Variants in IQCM observed in about 807,000 individuals in gnomAD.
IQCM encodes IQ motif containing M, also known as IQ domain-containing protein M.
IQCM carries 45 observed loss-of-function variants against 57.6 expected under a neutral mutation model. The ratio of observed to expected loss-of-function variants is 0.78; its 90% confidence interval spans 0.62 to 1.00. IQCM has a LOEUF of 1.00. IQCM is among the 50% of genes least tolerant of loss of function. The pLI, the probability that IQCM is intolerant of heterozygous loss-of-function variation, is 0.00. For synonymous variants in IQCM, 148 were observed against 158.9 expected, an observed-to-expected ratio of 0.93 and a Z score of 0.51; for missense variants, 468 against 511.6, an observed-to-expected ratio of 0.91 and a Z score of 0.82.
chr4:149,423,877 T>C (rs185390753), intron 13 of IQCM, among the ~76,000 whole-genome samples: 1 of 152,070 alleles, frequency 6.6e-6, no homozygotes, highest in Admixed American at 6.6e-5. Flanking sequence ...ATATTTTATT[T>C]ATTAAATAAA....
Position 149,696,204 on chromosome 4 carries a change from T to C in IQCM, c.386-9736A>G, listed in dbSNP as rs1021489457. 1.3e-4 allele frequency among the ~76,000 whole-genome samples: 20 copies of C among 152,288 alleles called. No homozygotes were observed. In the Middle Eastern group the frequency reaches 0.01, roughly 78 times the overall value. On this transcript the variant is annotated intron_variant, in intron 5 of 13. Transcript: ENST00000636793. The stretch of plus-strand genomic sequence containing the variant: ...GAAACTGCTCTCATCAAAGATACAA[T>C]GACTTCCATGGTAGCACACCCAATG...
At chr4:149,391,189 T>C (rs191949649) in intron 13 of IQCM, among the ~76,000 whole-genome samples, 462 of 152,060 alleles carry the variant, frequency 3.0e-3, no homozygotes, top group Non-Finnish European at 4.9e-3. Context: ...TTTAGGGCTA[T>C]TCAGATTTTA....
At chr4:149,588,969 A>G (rs1004756452) in intron 8 of IQCM, among the ~76,000 whole-genome samples, 1 of 151,852 alleles carries the variant, frequency 6.6e-6, no homozygotes, top group East Asian at 1.9e-4. Context: ...CAATTTATGG[A>G]TTTTTCTTAT....
rs574060556 is a variant in IQCM at position 149,775,116 on chromosome 4, G to A, written c.-48-32377C>T. ...CTTTGCATTATTCCTCCTTTCTTAT[G>A]AACATTTAAAAACTAAACTACTTTC... On this transcript the variant is annotated intron_variant, in intron 2 of 13. Transcript: ENST00000636793. Among the ~76,000 whole-genome samples, 3 of 147,918 alleles carry A rather than the reference G, an allele frequency of 2.0e-5. No homozygotes were observed. In the East Asian group the frequency reaches 6.0e-4, roughly 30 times the overall value.
At chr4:149,553,434 T>C (rs570383097) in intron 10 of IQCM, 147 bp from the exon 11 acceptor site, 9 of 491,756 alleles carry the variant, frequency 1.8e-5, no homozygotes, top group African/African-American at 1.8e-4. Context: ...ATACGCATTG[T>C]AGAGTAATAT....
chr4:149,740,194 A>C (rs2149904539), intron 3 of IQCM, among the ~76,000 whole-genome samples: 1 of 152,328 alleles, frequency 6.6e-6, no homozygotes, highest in East Asian at 1.9e-4. Context: ...AATCTTAAGC[A>C]AAGATGTGTG....
At chr4:149,435,034 G>A (rs1207770785) in intron 12 of IQCM, among the ~76,000 whole-genome samples, 2 of 152,108 alleles carry the variant, frequency 1.3e-5, no homozygotes, top group African/African-American at 4.8e-5. Context: ...CCCCATGGGT[G>A]GACTTTGTAA....
chr4:149,439,957 A>G (rs1005250467), intron 12 of IQCM, among the ~76,000 whole-genome samples: 3 of 141,972 alleles, frequency 2.1e-5, no homozygotes, highest in Non-Finnish European at 4.7e-5. Flanking sequence ...AAGTGTTGCT[A>G]TTCTTTTTTT....
At chr4:149,418,168 GGT>G (rs979194347) in intron 13 of IQCM, among the ~76,000 whole-genome samples, 3 of 110,630 alleles carry the variant, frequency 2.7e-5, no homozygotes, top group African/African-American at 1.1e-4. Flanking sequence ...TCCAGGTTAT[GGT>G]TTTTTTTTTA....
At chr4:149,484,827 C>A (rs999104157) in intron 12 of IQCM, among the ~76,000 whole-genome samples, 1 of 151,986 alleles carries the variant, frequency 6.6e-6, no homozygotes, top group Non-Finnish European at 1.5e-5. Flanking sequence ...CTTTAACATC[C>A]TTTTCTTTAG....
intron 2 of IQCM, among the ~76,000 whole-genome samples, chr4:149,753,395 A>C (rs996703453): frequency 6.6e-5 from 10 of 152,188 alleles, no homozygotes; most frequent in Non-Finnish European, 1.2e-4. Context: ...AATAGAACAA[A>C]TTGGAATCCT....
At chr4:149,408,251 T>A (rs1733121559) in intron 13 of IQCM, among the ~76,000 whole-genome samples, 1 of 152,064 alleles carries the variant, frequency 6.6e-6, no homozygotes, top group Non-Finnish European at 1.5e-5. Flanking sequence ...ACATATGGAG[T>A]AATAAAGAAA....
chr4:149,381,547 G>T (rs1182696813), intron 13 of IQCM, among the ~76,000 whole-genome samples: 1 of 151,958 alleles, frequency 6.6e-6, no homozygotes, highest in Non-Finnish European at 1.5e-5. Flanking sequence ...TGCCTTTGCT[G>T]TTCACTCCAC....
At chr4:149,353,055 C>G (rs1728686416) in intron 13 of IQCM, among the ~76,000 whole-genome samples, 1 of 152,088 alleles carries the variant, frequency 6.6e-6, no homozygotes, top group Non-Finnish European at 1.5e-5. Context: ...GTTAATGTAT[C>G]TCCATATTGT....
chr4:149,373,925 C>G (rs1309111312), intron 13 of IQCM, among the ~76,000 whole-genome samples: 1 of 152,170 alleles, frequency 6.6e-6, no homozygotes, highest in Non-Finnish European at 1.5e-5. Context: ...GAAACCTTTT[C>G]TCTGCCCTCA....
chr4:149,401,820 T>C (rs1041327258), intron 13 of IQCM, among the ~76,000 whole-genome samples: 3 of 151,800 alleles, frequency 2.0e-5, no homozygotes, highest in African/African-American at 7.2e-5. Context: ...TCCCAACAAA[T>C]ACTCCATGAA....
chr4:149,705,374 G>A (rs933773046), intron 5 of IQCM, among the ~76,000 whole-genome samples: 1 of 150,770 alleles, frequency 6.6e-6, no homozygotes, highest in East Asian at 2.0e-4. Flanking sequence ...GTACAAAAAC[G>A]GAACTTTAAT....
chr4:149,804,812 T>G (rs1412943565), intron 2 of IQCM, among the ~76,000 whole-genome samples: 2 of 152,060 alleles, frequency 1.3e-5, no homozygotes, highest in Non-Finnish European at 2.9e-5. Flanking sequence ...TAATACATGA[T>G]TAAATTTGAA....
Position 149,354,380 on chromosome 4 carries a change from A to C in IQCM, c.1391-2314T>G, listed in dbSNP as rs13109849. Among the ~76,000 whole-genome samples, 67 of 131,348 alleles carry C rather than the reference A, an allele frequency of 5.1e-4. 3 individuals carry two copies. Among genetic ancestry groups the C allele is most frequent in the Non-Finnish European group, 6.0e-4 (38 of 63,468 alleles). The allele number at this position is 131,348 out of a possible 152,430, so 86.2% of individuals were successfully genotyped here. On this transcript the variant is annotated intron_variant, in intron 13 of 13. Transcript: ENST00000636793. ...CTCCGTCTCAAAAAAAAAAAAAAAA[A>C]AAAAAAAAACTGACAAATTAGGCCA...
Sources: allele counts gnomAD v4.1 joint callset (sites outside exome capture counted in the v4.1 genomes callset), GRCh38; gene constraint gnomAD v4.1.1; transcripts MANE v1.5; gene names NCBI Gene and HGNC (gene_info 2026-07-23, HGNC 2026-07-21).